TSHZ3: variants seen among roughly 807,000 people sequenced by gnomAD.
TSHZ3 encodes teashirt homolog 3.
In TSHZ3, 10 loss-of-function variants were observed where a neutral mutation model predicts 64.5. That is an observed-to-expected ratio of 0.16 (90% CI 0.10 to 0.26). The LOEUF (loss-of-function observed/expected upper bound fraction) is 0.26, where lower values mean the gene tolerates loss of function less well. Among genes scored for constraint, TSHZ3 ranks in the 10% least tolerant of loss-of-function variants. The pLI, the probability that TSHZ3 is intolerant of heterozygous loss-of-function variation, is 1.00. For missense variants in TSHZ3, 1,242 were observed against 1,421.7 expected, an observed-to-expected ratio of 0.87 and a Z score of 2.03; for synonymous variants, 608 against 593.1, an observed-to-expected ratio of 1.03 and a Z score of -0.36.
intron 4 of TSHZ3, among the ~76,000 whole-genome samples, chr19:31,209,889 C>T (rs1975240570): frequency 6.6e-6 from 1 of 152,012 alleles, no homozygotes. Context: ...GGGTCTCAGC[C>T]AAGGTGTGTG....
At position 31,277,572 on chromosome 19, in the gene TSHZ3, G is replaced by A. The variant is rs1976265750; in HGVS notation, c.2221C>T (p.Leu741=). The change falls in exon 2 of 2, where the codon CTG becomes TTG. Residue 741 remains leucine (L), a synonymous_variant. Transcript: ENST00000240587. This position sits in a 1 kb window ranked among gnomAD's most constrained non-coding sequence, Gnocchi z 4.5. ...IHLGKAAKPS[L]PALDPMSMLF... ...ATGCTCATGGGGTCCAGGGCAGGCA[G>A]GGAGGGCTTGGCGGCCTTGCCCAGG... 13 of 1,598,216 alleles carry A rather than the reference G, an allele frequency of 8.1e-6. No homozygotes were observed. The highest frequency in any genetic ancestry group is 1.1e-5 in the Non-Finnish European group (13 of 1,171,706).
At chr19:31,263,013 C>G (rs1976000328) in intron 1 of TSHZ3, among the ~76,000 whole-genome samples, 1 of 152,174 alleles carries the variant, frequency 6.6e-6, no homozygotes, top group Non-Finnish European at 1.5e-5. Context: ...TCCTGTAACC[C>G]CCTTTGTCCA....
chr19:31,199,418 A>AG (rs1975042200), intron 5 of TSHZ3, among the ~76,000 whole-genome samples: 1 of 144,388 alleles, frequency 6.9e-6, no homozygotes, highest in South Asian at 2.3e-4. Context: ...AAAAAAAAAA[A>AG]AAAAGAAAAG....
intron 4 of TSHZ3, among the ~76,000 whole-genome samples, chr19:31,219,626 A>C (rs142296668): frequency 6.6e-6 from 1 of 151,982 alleles, no homozygotes; most frequent in East Asian, 1.9e-4. Context: ...CTGAATTTTT[A>C]ATTTTATTTA....
At chr19:31,340,262 G>T (rs1359677128) in intron 1 of TSHZ3, among the ~76,000 whole-genome samples, 1 of 131,712 alleles carries the variant, frequency 7.6e-6, no homozygotes, top group Non-Finnish European at 1.5e-5. Context: ...CAGTTATCAG[G>T]CATAAAGATC....
In TSHZ3 at chr19:31,231,243, CTGAGACCAGGATGG is replaced by C. The variant is rs1216317258; in HGVS notation, n.551-3117_551-3104del. Among the ~76,000 whole-genome samples, 11 of 152,188 alleles carry C rather than the reference CTGAGACCAGGATGG, an allele frequency of 7.2e-5. No homozygotes were observed. The East Asian group carries it at 1.9e-3, about 27-fold the overall frequency. ...GCCTGGGATTCATAGAGAAAGAAAA[CTGAGACCAGGATGG>C]TGGCACGATGATGTGATTCTCCCAC... On this transcript the variant is annotated intron_variant and non_coding_transcript_variant, in intron 3 of 6. Transcript: ENST00000651361.
chr19:31,350,869 G>T (rs1195892428), upstream of TSHZ3, among the ~76,000 whole-genome samples: 4 of 147,434 alleles, frequency 2.7e-5, no homozygotes, highest in East Asian at 2.0e-4. Flanking sequence ...CAGCTCTCAG[G>T]CCGGGAATGG....
intron 5 of TSHZ3, among the ~76,000 whole-genome samples, chr19:31,172,994 GTC>G (rs1326755202): frequency 7.0e-4 from 107 of 152,302 alleles, no homozygotes; most frequent in African/African-American, 2.5e-3. Flanking sequence ...ATCATGTAGG[GTC>G]TCAGAGCCAC....
chr19:31,244,215 C>T (rs775335855), intron 1 of TSHZ3, among the ~76,000 whole-genome samples: 9 of 152,158 alleles, frequency 5.9e-5, no homozygotes, highest in East Asian at 1.9e-4. Flanking sequence ...ATCTTGGGGG[C>T]GGATTTCCTC....
At chr19:31,261,044 G>T (rs1975977995) in intron 1 of TSHZ3, among the ~76,000 whole-genome samples, 1 of 152,178 alleles carries the variant, frequency 6.6e-6, no homozygotes, top group African/African-American at 2.4e-5. Context: ...GGACCTTTCA[G>T]GCTGCACTCT....
At chr19:31,343,222 T>C (rs934916464) in intron 1 of TSHZ3, among the ~76,000 whole-genome samples, 8 of 152,222 alleles carry the variant, frequency 5.3e-5, no homozygotes, top group Non-Finnish European at 1.2e-4. Context: ...CCTGACAGTA[T>C]GAATTAATAA....
chr19:31,186,259 A>G lies in TSHZ3; in HGVS notation n.809+18697T>C, dbSNP rs112991537. ...GAGAAACTACTGAGATGGTTTGGCT[A>G]TGTCCCCACCCGAATCTCATCATGA... On this transcript the variant is annotated intron_variant and non_coding_transcript_variant, in intron 5 of 6. Coordinates refer to the TSHZ3 transcript ENST00000651361. 7.7e-4 allele frequency among the ~76,000 whole-genome samples: 118 copies of G among 152,278 alleles called. 1 individual carries two copies. The highest frequency in any genetic ancestry group is 2.6e-3 in the African/African-American group (109 of 41,562).
intron 1 of TSHZ3, among the ~76,000 whole-genome samples, chr19:31,297,173 C>T (rs1976677304): frequency 6.6e-6 from 1 of 152,238 alleles, no homozygotes. Flanking sequence ...GCTTGTTGTT[C>T]GAGGCCAACT....
At chr19:31,254,771 G>C (rs188009225) in intron 1 of TSHZ3, among the ~76,000 whole-genome samples, 1 of 152,152 alleles carries the variant, frequency 6.6e-6, no homozygotes, top group South Asian at 2.1e-4. Context: ...GGGCTAGTGC[G>C]TGTCTAAGGA....
intron 1 of TSHZ3, among the ~76,000 whole-genome samples, chr19:31,244,858 G>T (rs1975739847): frequency 6.6e-6 from 1 of 152,064 alleles, no homozygotes. Context: ...TGCCCAGGCT[G>T]GTCTTGAACT....
At chr19:31,265,643 G>A (rs1035029568) in intron 1 of TSHZ3, among the ~76,000 whole-genome samples, 4 of 152,112 alleles carry the variant, frequency 2.6e-5, no homozygotes, top group Non-Finnish European at 4.4e-5. Flanking sequence ...TTTGCATCCC[G>A]GACTGGAACC....
chr19:31,253,175 G>T (rs1413212049), intron 1 of TSHZ3, among the ~76,000 whole-genome samples: 1 of 152,116 alleles, frequency 6.6e-6, no homozygotes, highest in Non-Finnish European at 1.5e-5. Context: ...CCAAGACAAG[G>T]TGTTCCCAGG....
chr19:31,284,180 A>G lies in TSHZ3; in HGVS notation c.41-4428T>C, dbSNP rs1304877791. Among the ~76,000 whole-genome samples, 4 of 152,084 alleles carry G rather than the reference A, an allele frequency of 2.6e-5. No homozygotes were observed. In the East Asian group the frequency reaches 5.8e-4, roughly 22 times the overall value. On this transcript the variant is annotated intron_variant, in intron 1 of 1. Coordinates refer to ENST00000240587, the MANE Select transcript of TSHZ3 (RefSeq NM_020856.4). ...TGCATGCAGTAGCTGAGCAATGGAC[A>G]GCTGCTGCCTCATTTCAAGTAGGTG...
intron 4 of TSHZ3, among the ~76,000 whole-genome samples, chr19:31,226,977 C>CTTTTATTTTT (rs1555727998): frequency 3.0e-5 from 2 of 65,684 alleles, no homozygotes; most frequent in Admixed American, 4.4e-4. Context: ...TTCTTTCTTT[C>CTTTTATTTTT]TTTTTTTTTT....
Sources: gnomAD v4.1 joint callset for allele counts (sites outside exome capture counted in the v4.1 genomes callset) on GRCh38, gnomAD v4.1.1 for gene constraint, Gnocchi (gnomAD v3.1) non-coding constraint, MANE v1.5 for transcripts, NCBI Gene and HGNC (gene_info 2026-07-23, HGNC 2026-07-21) for gene names.